The following DYM variants were observed in gnomAD, a reference collection of about 807,000 sequenced individuals.
DYM encodes the protein dymeclin.
In DYM, 78 loss-of-function variants were observed where a neutral mutation model predicts 93.1. The observed-to-expected ratio is 0.84, with a 90% confidence interval of 0.70 to 1.01. The LOEUF is 1.01. DYM is among the 50% of genes least tolerant of loss of function. The pLI is 0.00. For missense variants in DYM, 789 were observed against 845.0 expected, an observed-to-expected ratio of 0.93 and a Z score of 0.82; for synonymous variants, 321 against 319.7, an observed-to-expected ratio of 1.00 and a Z score of -0.04.
intron 15 of DYM, among the ~76,000 whole-genome samples, chr18:49,119,791 C>G (rs2082216430): frequency 1.3e-5 from 2 of 152,104 alleles, no homozygotes; most frequent in South Asian, 4.1e-4. Context: ...AAAAAAAATA[C>G]TATAGATATA....
intron 13 of DYM, among the ~76,000 whole-genome samples, chr18:49,220,299 G>T (rs1417231961): frequency 4.0e-5 from 6 of 149,122 alleles, no homozygotes; most frequent in South Asian, 4.3e-4. Context: ...TGGGTAGGAA[G>T]AATCAATATC....
chr18:49,399,877 C>G (rs533275978), intron 2 of DYM, among the ~76,000 whole-genome samples: 1 of 151,824 alleles, frequency 6.6e-6, no homozygotes, highest in South Asian at 2.1e-4. Flanking sequence ...CAAGGTCTGC[C>G]GCTCAAGTTT....
At chr18:49,307,169 A>G (rs1388188345) in intron 8 of DYM, among the ~76,000 whole-genome samples, 1 of 152,056 alleles carries the variant, frequency 6.6e-6, no homozygotes, top group Non-Finnish European at 1.5e-5. Context: ...TATATGTTAT[A>G]TCGTAGTATG....
intron 1 of DYM, among the ~76,000 whole-genome samples, chr18:49,434,027 G>T (rs113940613): frequency 0.091 from 13,848 of 152,044 alleles, 849 homozygotes; most frequent in East Asian, 0.31. Context: ...CTGACCAATA[G>T]GATGAAACCC....
chr18:49,284,169 G>T (rs376150049), intron 9 of DYM, among the ~76,000 whole-genome samples: 1 of 152,104 alleles, frequency 6.6e-6, no homozygotes, highest in South Asian at 2.1e-4. Context: ...GGAATATGTG[G>T]GTTGTGTATA....
At chr18:49,288,723 T>C (rs998316158) in intron 8 of DYM, among the ~76,000 whole-genome samples, 1 of 151,732 alleles carries the variant, frequency 6.6e-6, no homozygotes, top group African/African-American at 2.4e-5. Context: ...GAGGTTGCAG[T>C]GAGCCGAGAT....
chr18:49,118,660 T>G (rs1345759862), intron 16 of DYM, 84 bp downstream of exon 16: 1 of 1,263,552 alleles, frequency 7.9e-7, no homozygotes, highest in Non-Finnish European at 1.1e-6. Flanking sequence ...CTCTTACTAT[T>G]ATAGTTCTTA....
At chr18:49,355,275 ATC>A (rs1425081719) in intron 6 of DYM, among the ~76,000 whole-genome samples, 1 of 152,036 alleles carries the variant, frequency 6.6e-6, no homozygotes, top group African/African-American at 2.4e-5. Context: ...AGATATAGAT[ATC>A]AATAGATATG....
intron 6 of DYM, among the ~76,000 whole-genome samples, chr18:49,353,564 A>T (rs1286735426): frequency 6.6e-6 from 1 of 152,076 alleles, no homozygotes; most frequent in African/African-American, 2.4e-5. Flanking sequence ...ACTAAAAATG[A>T]TAATTTAAAT....
chr18:49,415,355 T>A (rs1278980130), intron 2 of DYM, among the ~76,000 whole-genome samples: 3 of 148,966 alleles, frequency 2.0e-5, no homozygotes, highest in East Asian at 1.9e-4. Context: ...AAAAAAATTT[T>A]AAAAATGAGA....
intron 8 of DYM, among the ~76,000 whole-genome samples, chr18:49,317,652 CCT>C (rs1568236897): frequency 5.1e-4 from 30 of 58,736 alleles, no homozygotes; most frequent in African/African-American, 1.8e-3. Context: ...TCCTCTCCTT[CCT>C]TCCTTCCTTC....
intron 9 of DYM, among the ~76,000 whole-genome samples, chr18:49,285,951 G>A (rs2059636759): frequency 6.6e-6 from 1 of 152,116 alleles, no homozygotes; most frequent in Non-Finnish European, 1.5e-5. Flanking sequence ...TGCTTTGATG[G>A]AAAAACGGCA....
intron 15 of DYM, among the ~76,000 whole-genome samples, chr18:49,148,014 TA>T (rs1194198847): frequency 1.3e-5 from 2 of 152,062 alleles, no homozygotes; most frequent in African/African-American, 4.8e-5. Context: ...TCTGCAGCCA[TA>T]AAAAAGGATG....
chr18:49,265,940 G>C (rs2094563350), intron 11 of DYM, among the ~76,000 whole-genome samples: 1 of 151,934 alleles, frequency 6.6e-6, no homozygotes, highest in Non-Finnish European at 1.5e-5. Context: ...CCAGTATTAG[G>C]CAATTTTGGC....
At chr18:49,459,918 C>CA (rs1555764776) in intron 1 of DYM, among the ~76,000 whole-genome samples, 2 of 133,650 alleles carry the variant, frequency 1.5e-5, no homozygotes, top group African/African-American at 5.5e-5. Flanking sequence ...TTCTTTGGGG[C>CA]GGGGGGGGCG....
At chr18:49,225,604 T>C (rs1049307903) in intron 13 of DYM, among the ~76,000 whole-genome samples, 12 of 152,266 alleles carry the variant, frequency 7.9e-5, no homozygotes, top group African/African-American at 2.9e-4. Flanking sequence ...TTTCTGTGAG[T>C]TGTTTTATTA....
At chr18:49,047,705 G>C (rs949857497) in intron 17 of DYM, among the ~76,000 whole-genome samples, 4 of 152,128 alleles carry the variant, frequency 2.6e-5, no homozygotes, top group Non-Finnish European at 5.9e-5. Context: ...ACACTGTGTT[G>C]ATTCCAGCCC....
Position 49,043,812 on chromosome 18 carries a change from G to A in DYM, c.*243C>T, listed in dbSNP as rs2071113846. 2 of 534,998 alleles carry A rather than the reference G, an allele frequency of 3.7e-6. No individual in the cohort carries two copies. Among genetic ancestry groups the A allele is most frequent in the Admixed American group, 6.6e-5 (2 of 30,496 alleles). 33.1% of individuals were successfully genotyped at this position (534,998 alleles called of 1,614,324 possible). A position where few individuals can be genotyped will look rare whatever the true frequency, so the allele number is the denominator to read the frequency against. On this transcript the variant is annotated 3_prime_UTR_variant, in exon 18 of 18. Transcript: ENST00000675505. ...AAATAAAACTGCATGTTGAATAGCA[G>A]GTTTTTACATTTATTATTGTTGTGT...
At chr18:49,317,646 CTCCTTCCTTCCT>C (rs71297073) in intron 8 of DYM, among the ~76,000 whole-genome samples, 3 of 36,612 alleles carry the variant, frequency 8.2e-5, no homozygotes, top group African/African-American at 2.2e-4. Context: ...ATCCTCTCCT[CTCCTTCCTTCCT>C]TCCTTCCTTC....
Sources: allele counts gnomAD v4.1 joint callset (sites outside exome capture counted in the v4.1 genomes callset), GRCh38; gene constraint gnomAD v4.1.1; transcripts MANE v1.5; gene names NCBI Gene and HGNC (gene_info 2026-07-23, HGNC 2026-07-21).